BABAM2: variants seen among roughly 807,000 people sequenced by gnomAD.
The protein encoded by BABAM2 is BRISC and BRCA1 A complex member 2.
BABAM2 carries 31 observed loss-of-function variants against 54.7 expected under a neutral mutation model. The observed-to-expected ratio is 0.57, with a 90% CI of 0.43 to 0.77. The LOEUF (loss-of-function observed/expected upper bound fraction) is 0.77. Ranked by LOEUF, BABAM2 falls within the 30% of genes least tolerant of loss-of-function variation. The pLI, the probability that BABAM2 is intolerant of heterozygous loss-of-function variation, is 0.00. For synonymous variants in BABAM2, 167 were observed against 162.9 expected, an observed-to-expected ratio of 1.03 and a Z score of -0.19; for missense variants, 364 against 455.8, an observed-to-expected ratio of 0.80 and a Z score of 1.83.
intron 3 of BABAM2, among the ~76,000 whole-genome samples, chr2:27,980,320 A>T (rs1671909824): frequency 6.6e-6 from 1 of 152,180 alleles, no homozygotes; most frequent in Non-Finnish European, 1.5e-5. Context: ...GGGTGAAATA[A>T]AGGAAATGTG....
intron 8 of BABAM2, 128 bp downstream of exon 8, chr2:28,237,429 C>A: frequency 1.4e-6 from 1 of 730,850 alleles, no homozygotes; most frequent in East Asian, 2.6e-5. Context: ...CATCTGACAC[C>A]TGCCCTTCCT....
intron 4 of BABAM2, among the ~76,000 whole-genome samples, chr2:28,006,414 T>G (rs866275324): frequency 6.6e-6 from 1 of 152,130 alleles, no homozygotes; most frequent in Non-Finnish European, 1.5e-5. Context: ...TCTTTAGATT[T>G]TATTTAGATA....
At chr2:28,046,588 T>C (rs1051911512) in intron 6 of BABAM2, among the ~76,000 whole-genome samples, 1 of 152,162 alleles carries the variant, frequency 6.6e-6, no homozygotes, top group South Asian at 2.1e-4. Context: ...TCTTCCTAAT[T>C]TGATGTTGTT....
chr2:27,909,057 T>C (rs575524137), intron 2 of BABAM2, among the ~76,000 whole-genome samples: 6 of 152,248 alleles, frequency 3.9e-5, no homozygotes, highest in Non-Finnish European at 5.9e-5. Context: ...TTATTATTTT[T>C]TTTGAGACAG....
chr2:28,053,214 CT>C (rs1174645350), intron 6 of BABAM2, among the ~76,000 whole-genome samples: 1 of 152,180 alleles, frequency 6.6e-6, no homozygotes, highest in East Asian at 1.9e-4. Context: ...GATTAAATAA[CT>C]CCTCTGAATT....
intron 10 of BABAM2, among the ~76,000 whole-genome samples, chr2:28,255,704 C>T (rs1281386813): frequency 6.6e-6 from 1 of 151,230 alleles, no homozygotes; most frequent in African/African-American, 2.4e-5. Flanking sequence ...CTCACTCGCT[C>T]ACCCAGGCTG....
At chr2:28,167,311 A>G (rs1433913185) in intron 7 of BABAM2, among the ~76,000 whole-genome samples, 1 of 152,256 alleles carries the variant, frequency 6.6e-6, no homozygotes, top group Non-Finnish European at 1.5e-5. Context: ...TGTAAGTAGC[A>G]TAATCAAGGA....
At chr2:28,260,263 C>T (rs927398883) in intron 10 of BABAM2, among the ~76,000 whole-genome samples, 3 of 149,044 alleles carry the variant, frequency 2.0e-5, no homozygotes, top group Non-Finnish European at 4.5e-5. Context: ...GTCTTGAAAT[C>T]GTGTAGTATA....
At chr2:28,091,534 C>A (rs981288484) in intron 6 of BABAM2, among the ~76,000 whole-genome samples, 1 of 152,134 alleles carries the variant, frequency 6.6e-6, no homozygotes, top group Non-Finnish European at 1.5e-5. Context: ...TTGGTGATCT[C>A]CAAAGCTCTT....
chr2:28,313,878 TG>T (rs1415714984), intron 11 of BABAM2, among the ~76,000 whole-genome samples: 2 of 152,342 alleles, frequency 1.3e-5, no homozygotes, highest in Non-Finnish European at 2.9e-5. Context: ...ACAGTGAGGC[TG>T]TCCACGGCAT....
chr2:27,939,053 A>C (rs1467697692), intron 3 of BABAM2, among the ~76,000 whole-genome samples: 1 of 152,068 alleles, frequency 6.6e-6, no homozygotes, highest in East Asian at 1.9e-4. Context: ...CCTGGGTTCA[A>C]GTGTTTCTCC....
At chr2:27,961,262 C>T (rs1670445282) in intron 3 of BABAM2, among the ~76,000 whole-genome samples, 2 of 152,108 alleles carry the variant, frequency 1.3e-5, no homozygotes, top group Admixed American at 6.5e-5. Context: ...ACAGACGGTC[C>T]GATCCTCAAA....
rs538492888 is a variant in BABAM2 at position 28,163,760 on chromosome 2, T to A, written c.680+34380T>A. 4.6e-5 allele frequency among the ~76,000 whole-genome samples: 7 copies of A among 152,316 alleles called. No individual in the cohort carries two copies. In the East Asian group the frequency reaches 1.4e-3, roughly 29 times the overall value. ...GTAAGATCGGCTGGGCTGATGGAGC[T>A]GGGTCAGAGGCCTCAGAATTGGACT... is the stretch of plus-strand genomic sequence containing the variant. On this transcript the variant is annotated intron_variant, in intron 7 of 11. Coordinates refer to ENST00000379624, the MANE Select transcript of BABAM2 (RefSeq NM_199191.3).
chr2:28,044,873 T>C (rs1677438126), intron 5 of BABAM2, among the ~76,000 whole-genome samples: 4 of 152,088 alleles, frequency 2.6e-5, no homozygotes. Flanking sequence ...TGAGACAGGA[T>C]GGAAGACCGA....
intron 7 of BABAM2, among the ~76,000 whole-genome samples, chr2:28,231,785 CTTTTTTTTTTTTTTTTTTTTTT>C (rs549515372): frequency 0.018 from 1,040 of 57,706 alleles, 32 homozygotes; most frequent in African/African-American, 0.059. Flanking sequence ...AGAGAGATGT[CTTTTTTTTTTTTTTTTTTTTTT>C]TTTTTTTTTT....
chr2:27,899,522 T>C (rs1281274929), intron 2 of BABAM2, among the ~76,000 whole-genome samples: 2 of 151,902 alleles, frequency 1.3e-5, no homozygotes, highest in African/African-American at 4.8e-5. Context: ...TTGCCCAGGC[T>C]GGAGGGCAAT....
rs140615684 is a variant in BABAM2, at chr2:28,117,017, T to TA, written c.571-12253dup. 5.4e-3 allele frequency among the ~76,000 whole-genome samples: 826 copies of TA among 152,366 alleles called. 10 individuals are homozygous for TA. Among genetic ancestry groups the TA allele is most frequent in the African/African-American group, 0.019 (770 of 41,578 alleles). On this transcript the variant is annotated intron_variant, in intron 6 of 11. Coordinates refer to ENST00000379624, the MANE Select transcript of BABAM2 (RefSeq NM_199191.3). Reference sequence around the variant, plus strand: ...CTGCCTTTAGCATTGGCACCTCTGATACCTTTTCCTTCATTGATTGAAGAG... The same window carrying TA: ...CTGCCTTTAGCATTGGCACCTCTGATAACCTTTTCCTTCATTGATTGAAGAG...
At chr2:28,248,299 T>C (rs1683096653) in intron 10 of BABAM2, among the ~76,000 whole-genome samples, 1 of 140,816 alleles carries the variant, frequency 7.1e-6, no homozygotes, top group African/African-American at 2.6e-5. Context: ...AACCTCTGCC[T>C]CCCAGGTTCA....
chr2:27,927,535 A>G (rs1390593179), intron 2 of BABAM2, among the ~76,000 whole-genome samples: 1 of 152,186 alleles, frequency 6.6e-6, no homozygotes, highest in African/African-American at 2.4e-5. Context: ...TGTACTTCAT[A>G]ATGCTAGAAT....
Sources: gnomAD v4.1 joint callset for allele counts (sites outside exome capture counted in the v4.1 genomes callset) on GRCh38, gnomAD v4.1.1 for gene constraint, MANE v1.5 for transcripts, NCBI Gene and HGNC (gene_info 2026-07-23, HGNC 2026-07-21) for gene names.